The following NRK variants were observed in gnomAD, a reference collection of about 807,000 sequenced individuals.
NRK encodes Nik related kinase.
Under a neutral mutation model 125.2 loss-of-function variants are expected in NRK, and 67 were observed. The ratio of observed to expected loss-of-function variants is 0.54; its 90% confidence interval spans 0.44 to 0.66. The LOEUF is 0.66. Among genes scored for constraint, NRK ranks in the 30% least tolerant of loss-of-function variants. The pLI is 0.00. For missense variants in NRK, 1,224 were observed against 1,192.9 expected, an observed-to-expected ratio of 1.03 and a Z score of -0.38; for synonymous variants, 458 against 429.0, an observed-to-expected ratio of 1.07 and a Z score of -0.84.
At chrX:105,955,035 T>C (rs2040956068) in intron 28 of NRK, among the ~76,000 whole-genome samples, 1 of 110,848 alleles carries the variant, frequency 9.0e-6, no homozygotes, top group Admixed American at 9.6e-5. Context: ...AATTTTTTAA[T>C]ATTAAAAAAT....
intron 27 of NRK, among the ~76,000 whole-genome samples, chrX:105,950,171 A>G (rs2040871937): frequency 1.8e-5 from 2 of 111,804 alleles, no homozygotes; most frequent in Non-Finnish European, 1.9e-5. Flanking sequence ...GTAGAGTTCT[A>G]TTTTGTGAGT....
At chrX:105,899,341 C>T (rs2040126253) in intron 8 of NRK, among the ~76,000 whole-genome samples, 1 of 111,854 alleles carries the variant, frequency 8.9e-6, no homozygotes, top group African/African-American at 3.3e-5. Context: ...CTGGAAAAAC[C>T]TCACTCACTC....
rs752119549 is a variant in NRK, at chrX:105,878,298, C to T, written c.124-1901C>T. On this transcript the variant is annotated intron_variant, in intron 2 of 28. Coordinates refer to ENST00000243300, the MANE Select transcript of NRK (RefSeq NM_198465.4). ...ACATACTCAATAATTTTTATAAACT[C>T]GGTTAAGTTCAGGTGTCATTACAAT... is the stretch of plus-strand genomic sequence containing the variant. Among the ~76,000 whole-genome samples the T allele has an allele frequency of 3.6e-5, 4 of 110,669 alleles. No individual in the cohort carries two copies. In the East Asian group the frequency reaches 1.1e-3, roughly 31 times the overall value.
chrX:105,834,105 T>G (rs959289354), intron 2 of NRK, among the ~76,000 whole-genome samples: 8 of 95,173 alleles, frequency 8.4e-5, no homozygotes, highest in African/African-American at 2.7e-4. Flanking sequence ...GATCCAACTT[T>G]CCCTCTGGTG....
intron 2 of NRK, among the ~76,000 whole-genome samples, chrX:105,841,343 A>T (rs2039330132): frequency 8.9e-6 from 1 of 111,796 alleles, no homozygotes; most frequent in South Asian, 3.7e-4. Flanking sequence ...CTGCAGTTTT[A>T]TTTTTTCCTG....
chrX:105,865,182 A>G (rs2039653329), intron 2 of NRK, among the ~76,000 whole-genome samples: 1 of 111,486 alleles, frequency 9.0e-6, no homozygotes, highest in African/African-American at 3.3e-5. Flanking sequence ...CAATCTCACT[A>G]TCTCCTAAGC....
intron 13 of NRK, 145 bp downstream of exon 13, chrX:105,910,027 A>G: frequency 4.5e-6 from 2 of 445,715 alleles, no homozygotes; most frequent in South Asian, 6.4e-5. Context: ...TGTACTTCAA[A>G]TAAATTTTCA....
chrX:105,896,884 T>C (rs1297411881), intron 7 of NRK, among the ~76,000 whole-genome samples: 1 of 111,700 alleles, frequency 9.0e-6, no homozygotes. Context: ...AAAAAATACA[T>C]GAAGGGCATA....
chrX:105,892,358 A>T (rs2040026715), intron 5 of NRK, among the ~76,000 whole-genome samples: 1 of 112,194 alleles, frequency 8.9e-6, no homozygotes, highest in Non-Finnish European at 1.9e-5. Context: ...ATTTGTGAAG[A>T]TAAGAATTTT....
chrX:105,932,897 T>G (rs1451622412), intron 19 of NRK, among the ~76,000 whole-genome samples: 1 of 111,382 alleles, frequency 9.0e-6, no homozygotes, highest in Non-Finnish European at 1.9e-5. Flanking sequence ...ATTTAGTACT[T>G]ATGGTATTAT....
chrX:105,832,118 A>G (rs1003954660), intron 2 of NRK, among the ~76,000 whole-genome samples: 2 of 111,935 alleles, frequency 1.8e-5, no homozygotes, highest in African/African-American at 6.5e-5. Flanking sequence ...TGTAATTGCA[A>G]CTGTAATATA....
In NRK at chrX:105,917,664, C is replaced by A; in HGVS notation, c.2504C>A (p.Ala835Glu). ...TCGCAAAATCGTCAAAATTGGCTGG[C>A]AGCATCAGGTGATTCAAAGCACAAA... is the stretch of plus-strand genomic sequence containing the variant. ...RSSQNRQNWL[A>E]ASESSSEEES... is the part of the protein sequence containing the mutation. The change falls in exon 16 of 29, where the codon GCA becomes GAA. Residue 835 changes from alanine (A) to glutamate (E), a missense_variant. Physicochemically the swap from Ala to Glu is moderately radical, Grantham distance 107. Transcript: ENST00000243300. The A allele has an allele frequency of 8.9e-7, 1 of 1,120,058 alleles. No individual in the cohort carries two copies. Among genetic ancestry groups the A allele is most frequent in the East Asian group, 3.2e-5 (1 of 30,923 alleles). The allele number at this position is 1,120,058 out of a possible 1,213,427, so 92.3% of individuals were successfully genotyped here.
rs751731307 is a variant in NRK at position 105,921,529 on chromosome X, G to A, written c.2513-435G>A. ...ATGAACTCTCCTCTTGAGGGTTTTG[G>A]CTAGTCTATCATCTTCTAATAAATA... is the stretch of plus-strand genomic sequence containing the variant. On this transcript the variant is annotated intron_variant, in intron 16 of 28. Transcript: ENST00000243300. Among the ~76,000 whole-genome samples the A allele has an allele frequency of 1.4e-3, 149 of 109,392 alleles. 1 individual carries two copies. Among genetic ancestry groups the A allele is most frequent in the African/African-American group, 4.9e-3 (146 of 30,084 alleles). 95.0% of individuals were successfully genotyped at this position (109,392 alleles called of 115,157 possible).
intron 19 of NRK, among the ~76,000 whole-genome samples, chrX:105,933,566 C>T (rs1435008076): frequency 8.9e-6 from 1 of 112,141 alleles, no homozygotes. Context: ...TGAGTATCTT[C>T]TTTGTAAGTT....
chrX:105,904,403 T>C (rs1306697594), intron 9 of NRK, among the ~76,000 whole-genome samples: 1 of 112,024 alleles, frequency 8.9e-6, no homozygotes, highest in Non-Finnish European at 1.9e-5. Flanking sequence ...AGAATGAATG[T>C]CCAGTAATTT....
chrX:105,918,102 A>G (rs2040389862), intron 16 of NRK, among the ~76,000 whole-genome samples: 1 of 111,406 alleles, frequency 9.0e-6, no homozygotes. Context: ...CCAAAATAGG[A>G]CAATATCTGA....
chrX:105,922,567 T>G (rs1178059591), intron 17 of NRK, among the ~76,000 whole-genome samples: 1 of 112,072 alleles, frequency 8.9e-6, no homozygotes, highest in Non-Finnish European at 1.9e-5. Flanking sequence ...TCTATTTCAA[T>G]TTTGAATTAC....
At position 105,955,505 on chromosome X, in the gene NRK, C is replaced by T; in HGVS notation, c.4654C>T (p.Leu1552=). The T allele has an allele frequency of 8.6e-7, 1 of 1,158,416 alleles. No homozygotes were observed. Among genetic ancestry groups the T allele is most frequent in the South Asian group, 1.9e-5 (1 of 52,101 alleles). ...LRFLCTRGDK[L]FFTSTLRNHH... is the part of the protein sequence containing the mutation. ...ACAGTGTATTTCTTTCTTTTTCAAG[C>T]TGTTCTTTACCTCTACCCTGCGCAA... Residue 1552 remains leucine (L), a splice_region_variant and synonymous_variant, in exon 29 of 29, where the codon CTG becomes TTG. Coordinates refer to ENST00000243300, the MANE Select transcript of NRK (RefSeq NM_198465.4).
At chrX:105,906,805 GTGTA>G (rs2147743564) in intron 11 of NRK, among the ~76,000 whole-genome samples, 1 of 101,024 alleles carries the variant, frequency 9.9e-6, no homozygotes, top group African/African-American at 3.7e-5. Flanking sequence ...GTGTGTGTGT[GTGTA>G]TAGTTACTAA....
Sources: allele counts gnomAD v4.1 joint callset (sites outside exome capture counted in the v4.1 genomes callset), GRCh38; gene constraint gnomAD v4.1.1; transcripts MANE v1.5; gene names NCBI Gene and HGNC (gene_info 2026-07-23, HGNC 2026-07-21).